NDUFAF7: variants seen among roughly 807,000 people sequenced by gnomAD.
The protein encoded by NDUFAF7 is protein arginine methyltransferase NDUFAF7, mitochondrial.
In NDUFAF7, 48 loss-of-function variants were observed where a neutral mutation model predicts 47.2. That is an observed-to-expected ratio of 1.02 (90% CI 0.81 to 1.29). The LOEUF (loss-of-function observed/expected upper bound fraction) is 1.29, where lower values mean the gene tolerates loss of function less well. Ranked by LOEUF, NDUFAF7 falls within the 50% of genes most tolerant of loss-of-function variation. The pLI, the probability that NDUFAF7 is intolerant of heterozygous loss-of-function variation, is 0.00. For missense variants in NDUFAF7, 635 were observed against 537.6 expected (o/e 1.18, Z -1.79); for synonymous variants, 217 against 190.0 (o/e 1.14, Z -1.17).
downstream of NDUFAF7, chr2:37,251,476 T>G (rs990498614): frequency 4.6e-5 from 7 of 152,712 alleles, no homozygotes; most frequent in African/African-American, 1.7e-4. Context: ...GAGGGTAAAC[T>G]AAAACATAAA....
chr2:37,238,766 A>G (rs1295178744), intron 4 of NDUFAF7, among the ~76,000 whole-genome samples: 2 of 152,148 alleles, frequency 1.3e-5, no homozygotes, highest in African/African-American at 4.8e-5. Context: ...TGTAACACGT[A>G]ACCAACAGAG....
At chr2:37,250,735 T>C (rs1667418798), downstream of NDUFAF7, 1 of 152,294 alleles carries the variant, frequency 6.6e-6, no homozygotes, top group Non-Finnish European at 1.5e-5. Flanking sequence ...CATTTTATTA[T>C]CAAGCTTCCA....
chr2:37,243,486 C>T (rs147811522), intron 6 of NDUFAF7, among the ~76,000 whole-genome samples: 2 of 152,028 alleles, frequency 1.3e-5, no homozygotes, highest in Admixed American at 1.3e-4. Context: ...TTCATTCTTT[C>T]TGTGAGGAGA....
chr2:37,247,204 T>C, intron 8 of NDUFAF7: 1 of 523,158 alleles, frequency 1.9e-6, no homozygotes, highest in East Asian at 3.7e-5. Context: ...TCTACGTTGC[T>C]GAAAAGGACG....
Position 37,236,109 on chromosome 2 carries a change from A to G in NDUFAF7, c.230A>G (p.Tyr77Cys), listed in dbSNP as rs1168462520. The change falls in exon 3 of 10, where the codon TAC (tyrosine) becomes TGC (cysteine). Residue 77 changes from tyrosine to cysteine, a missense_variant. Transcript: ENST00000002125. Reference sequence around the variant, plus strand: ...CTTTTTACTCAGGGTTATTATGTGTACCGTGACATGCTAGGCGAAAAAGGA... The same window carrying G: ...CTTTTTACTCAGGGTTATTATGTGTGCCGTGACATGCTAGGCGAAAAAGGA... ...LTNPAKGYYV[Y>C]RDMLGEKGDF... The G allele has an allele frequency of 6.2e-7, 1 of 1,612,918 alleles. No homozygotes were observed. Among genetic ancestry groups the G allele is most frequent in the African/African-American group, 1.3e-5 (1 of 74,892 alleles).
downstream of NDUFAF7, among the ~76,000 whole-genome samples, chr2:37,257,247 A>C (rs186711503): frequency 3.9e-4 from 60 of 152,254 alleles, 1 homozygote; most frequent in South Asian, 0.012. Flanking sequence ...GCTGCTTTCT[A>C]TCATTTGTCT....
chr2:37,257,436 C>T (rs547599850), downstream of NDUFAF7, among the ~76,000 whole-genome samples: 20 of 152,002 alleles, frequency 1.3e-4, no homozygotes, highest in South Asian at 2.1e-4. Context: ...GAGGCCGAGG[C>T]GGGCGGATCA....
chr2:37,254,101 C>T (rs969705105), downstream of NDUFAF7: 3 of 839,034 alleles, frequency 3.6e-6, no homozygotes, highest in South Asian at 4.4e-5. Flanking sequence ...CTTAAGAGCA[C>T]TTTTATTATT....
At chr2:37,234,750 G>A (rs1665575292) in intron 2 of NDUFAF7, among the ~76,000 whole-genome samples, 1 of 152,154 alleles carries the variant, frequency 6.6e-6, no homozygotes, top group African/African-American at 2.4e-5. Flanking sequence ...ATGAGGAATG[G>A]TCCAGAGCAC....
At chr2:37,250,072 G>A (rs189862864), downstream of NDUFAF7, among the ~76,000 whole-genome samples, 339 of 150,822 alleles carry the variant, frequency 2.2e-3, no homozygotes, top group South Asian at 6.3e-3. Flanking sequence ...TATCATTAGT[G>A]GTGGTGTATT....
At chr2:37,261,968 G>A in the NDUFAF7 span, among the ~76,000 whole-genome samples, 3 of 152,138 alleles carry the variant, frequency 2.0e-5, no homozygotes, top group East Asian at 1.9e-4. Context: ...AGTGTAAAAT[G>A]GTCTTTGTGT....
At chr2:37,264,918 C>A in the NDUFAF7 span, among the ~76,000 whole-genome samples, 1 of 152,212 alleles carries the variant, frequency 6.6e-6, no homozygotes, top group South Asian at 2.1e-4. Context: ...TTGGATACTC[C>A]GGGATAAACT....
At chr2:37,245,173 ACTTGT>A in intron 7 of NDUFAF7, among the ~76,000 whole-genome samples, 1 of 152,258 alleles carries the variant, frequency 6.6e-6, no homozygotes, top group Non-Finnish European at 1.5e-5. Flanking sequence ...AGTTTAAGTA[ACTTGT>A]CTACCAGTAA....
In NDUFAF7 at chr2:37,246,092, C is replaced by T. The variant is rs773742123; in HGVS notation, c.833C>T (p.Ala278Val). ...TRDHVEVCPD[A>V]GVIIEELSQR... The stretch of plus-strand genomic sequence containing the variant: ...GATCATGTTGAAGTGTGTCCTGATG[C>T]TGGTGTTATCATCGAGGAACTTTCT... The change falls in exon 8 of 10, where the codon GCT (alanine) becomes GTT (valine). Residue 278 changes from alanine (A) to valine (V), a missense_variant. Ala to Val is a moderately conservative substitution (Grantham distance 64). Coordinates refer to ENST00000002125, the MANE Select transcript of NDUFAF7 (RefSeq NM_144736.5). 6 of 1,613,896 alleles carry T rather than the reference C, an allele frequency of 3.7e-6. No homozygotes were observed. Among genetic ancestry groups the T allele is most frequent in the African/African-American group, 1.3e-5 (1 of 75,028 alleles).
At chr2:37,268,781 C>G in the NDUFAF7 span, 1 of 154,762 alleles carries the variant, frequency 6.5e-6, no homozygotes, top group African/African-American at 2.4e-5. Flanking sequence ...AAAGAGGAAG[C>G]TGCAATTAGA....
At chr2:37,240,938 A>G (rs542999606) in intron 4 of NDUFAF7, among the ~76,000 whole-genome samples, 1 of 152,358 alleles carries the variant, frequency 6.6e-6, no homozygotes, top group African/African-American at 2.4e-5. Flanking sequence ...TCATATCTCA[A>G]AAGTATTAAT....
chr2:37,249,643 G>GACAGACAGACACAC (rs1261022368), downstream of NDUFAF7, among the ~76,000 whole-genome samples: 1 of 132,524 alleles, frequency 7.5e-6, no homozygotes, highest in African/African-American at 3.0e-5. Flanking sequence ...CTGTGATAGA[G>GACAGACAGACACAC]ACACACACAC....
downstream of NDUFAF7, among the ~76,000 whole-genome samples, chr2:37,253,651 C>T (rs1667698471): frequency 6.6e-6 from 1 of 152,114 alleles, no homozygotes; most frequent in Non-Finnish European, 1.5e-5. Flanking sequence ...TTGTTCTATA[C>T]AACGTGAGGC....
rs1246816603 is a variant in NDUFAF7, at chr2:37,237,876, T to G, written c.408+9T>G. ...TGGGAGATATTTTGAGGGTAGGTAA[T>G]AAAAGAATGTCTTCTAGTCTCATAT... On this transcript the variant is annotated intron_variant, in intron 4 of 9. Coordinates refer to ENST00000002125, the MANE Select transcript of NDUFAF7 (RefSeq NM_144736.5). The G allele has an allele frequency of 6.4e-7, 1 of 1,554,390 alleles. No homozygotes were observed. The highest frequency in any genetic ancestry group is 1.7e-5 in the Admixed American group (1 of 59,872).
Sources: allele counts gnomAD v4.1 joint callset (sites outside exome capture counted in the v4.1 genomes callset), GRCh38; gene constraint gnomAD v4.1.1; transcripts MANE v1.5; gene names NCBI Gene and HGNC (gene_info 2026-07-23, HGNC 2026-07-21).